NUTF2: variants seen among roughly 807,000 people sequenced by gnomAD.
NUTF2 encodes the protein nuclear transport factor 2.
Under a neutral mutation model 18.5 loss-of-function variants are expected in NUTF2, and 3 were observed. The observed-to-expected ratio is 0.16, with a 90% CI of 0.07 to 0.42. The LOEUF is 0.42. Ranked by LOEUF, NUTF2 falls within the 10% of genes least tolerant of loss-of-function variation. The pLI, the probability that NUTF2 is intolerant of heterozygous loss-of-function variation, is 0.99. For missense variants in NUTF2, 44 were observed against 160.7 expected, an observed-to-expected ratio of 0.27 and a Z score of 3.93; for synonymous variants, 51 against 57.9, an observed-to-expected ratio of 0.88 and a Z score of 0.54.
chr16:67,861,198 C>T (rs1021018510), intron 1 of NUTF2, among the ~76,000 whole-genome samples: 2 of 152,210 alleles, frequency 1.3e-5, no homozygotes, highest in Non-Finnish European at 1.5e-5. Flanking sequence ...TGGCTAACCT[C>T]GCTGAATCTC....
chr16:67,856,636 G>A (rs979399352), intron 1 of NUTF2, among the ~76,000 whole-genome samples: 1 of 151,948 alleles, frequency 6.6e-6, no homozygotes, highest in Admixed American at 6.6e-5. Context: ...AGCATGCGGA[G>A]TAGCTGGGAT....
chr16:67,870,581 C>G (rs2058004587), intron 4 of NUTF2: 1 of 566,038 alleles, frequency 1.8e-6, no homozygotes, highest in Non-Finnish European at 3.2e-6. Flanking sequence ...ACATAGCACA[C>G]ATAGGCGTGG....
chr16:67,861,819 C>T (rs538107003), intron 1 of NUTF2, among the ~76,000 whole-genome samples: 3 of 152,292 alleles, frequency 2.0e-5, no homozygotes, highest in East Asian at 3.9e-4. Context: ...AAGATCAGAG[C>T]TTGCTGGCTA....
At chr16:67,854,821 A>G (rs1254575671) in intron 1 of NUTF2, among the ~76,000 whole-genome samples, 1 of 152,094 alleles carries the variant, frequency 6.6e-6, no homozygotes, top group Non-Finnish European at 1.5e-5. Context: ...GGTGGCAGGT[A>G]CCTGTAATCC....
intron 1 of NUTF2, among the ~76,000 whole-genome samples, chr16:67,854,974 G>A (rs1051300570): frequency 4.6e-5 from 7 of 151,702 alleles, no homozygotes; most frequent in African/African-American, 1.7e-4. Context: ...ATTTCTTTAA[G>A]CTGAGGTTGA....
rs2057944653 is a variant in NUTF2, at chr16:67,862,992, CA to C, written c.-29-2109del. ...CAGAGCTCTTAGGCAGTGGGTATGG[CA>C]CCTTGGAAGCTGCAGCAGGGTCAGG... On this transcript the variant is annotated intron_variant, in intron 1 of 4. Transcript: ENST00000219169. 2.6e-5 allele frequency among the ~76,000 whole-genome samples: 4 copies of C among 152,248 alleles called. No individual in the cohort carries two copies. In the South Asian group the frequency reaches 8.3e-4, roughly 32 times the overall value.
At position 67,868,348 on chromosome 16, in the gene NUTF2, G is replaced by A. The variant is rs750611785; in HGVS notation, c.108G>A (p.Ala36=). ...RTQLGAIYID[A]SCLTWEGQQF... is the part of the protein sequence containing the mutation. Reference sequence around the variant, plus strand: ...TCCTGTGCCTTTTTCAGATTGACGCGTCATGCCTTACGTGGGAAGGACAAC... The same window carrying A: ...TCCTGTGCCTTTTTCAGATTGACGCATCATGCCTTACGTGGGAAGGACAAC... The change falls in exon 3 of 5, where the codon GCG becomes GCA. Residue 36 remains alanine, a synonymous_variant. Transcript: ENST00000219169. The A allele has an allele frequency of 8.7e-6, 14 of 1,613,784 alleles. No homozygotes were observed. The highest frequency in any genetic ancestry group is 6.6e-5 in the South Asian group (6 of 91,076).
At chr16:67,848,887 T>C (rs1483923410) in intron 1 of NUTF2, among the ~76,000 whole-genome samples, 4 of 152,252 alleles carry the variant, frequency 2.6e-5, no homozygotes, top group Non-Finnish European at 5.9e-5. Context: ...CATATTTTTT[T>C]CTTCCTCCTT....
intron 2 of NUTF2, among the ~76,000 whole-genome samples, chr16:67,868,017 G>T (rs1415894361): frequency 1.3e-5 from 2 of 152,176 alleles, no homozygotes; most frequent in South Asian, 2.1e-4. Flanking sequence ...GACTGACACT[G>T]ACTGACCACA....
At chr16:67,850,158 A>G (rs1193914923) in intron 1 of NUTF2, among the ~76,000 whole-genome samples, 1 of 151,808 alleles carries the variant, frequency 6.6e-6, no homozygotes, top group Non-Finnish European at 1.5e-5. Flanking sequence ...GAGTAGGAGG[A>G]ATTCAGGTCC....
intron 1 of NUTF2, among the ~76,000 whole-genome samples, chr16:67,850,419 G>A (rs1324761363): frequency 6.6e-6 from 1 of 151,510 alleles, no homozygotes; most frequent in Non-Finnish European, 1.5e-5. Flanking sequence ...TGTCAGCCAG[G>A]ATGGTCTCGA....
At chr16:67,849,560 A>G (rs1193843595) in intron 1 of NUTF2, among the ~76,000 whole-genome samples, 1 of 151,764 alleles carries the variant, frequency 6.6e-6, no homozygotes, top group African/African-American at 2.4e-5. Context: ...CAGGCTGGTC[A>G]AACTCCTGAC....
intron 1 of NUTF2, among the ~76,000 whole-genome samples, chr16:67,861,352 C>G (rs2057934503): frequency 1.3e-5 from 2 of 152,168 alleles, no homozygotes; most frequent in Admixed American, 6.5e-5. Context: ...GAGTTTTGTT[C>G]TTGGAAACAC....
intron 1 of NUTF2, 176 bp downstream of exon 1, chr16:67,847,161 T>A (rs1172679456): frequency 6.8e-6 from 1 of 146,472 alleles, no homozygotes; most frequent in Admixed American, 6.7e-5. Flanking sequence ...CTCCCGCCGG[T>A]CCTGTGAGGC....
chr16:67,857,617 A>G (rs1226815198), intron 1 of NUTF2, among the ~76,000 whole-genome samples: 2 of 152,178 alleles, frequency 1.3e-5, no homozygotes, highest in Non-Finnish European at 2.9e-5. Flanking sequence ...TCCATACCCC[A>G]TTCATTACCT....
At chr16:67,863,940 A>C (rs1376772146) in intron 1 of NUTF2, among the ~76,000 whole-genome samples, 1 of 152,180 alleles carries the variant, frequency 6.6e-6, no homozygotes, top group Non-Finnish European at 1.5e-5. Context: ...GCCTCCTCTC[A>C]GAGACCCGAG....
intron 1 of NUTF2, among the ~76,000 whole-genome samples, chr16:67,859,713 C>G (rs988958998): frequency 3.3e-5 from 5 of 149,908 alleles, no homozygotes; most frequent in African/African-American, 9.8e-5. Flanking sequence ...CCAGGCTGGT[C>G]TGGAACTCCT....
chr16:67,863,033 T>G (rs1306006779), intron 1 of NUTF2, among the ~76,000 whole-genome samples: 1 of 152,156 alleles, frequency 6.6e-6, no homozygotes, highest in South Asian at 2.1e-4. Context: ...ATTGAGTGAC[T>G]AAGCATAGCA....
intron 1 of NUTF2, among the ~76,000 whole-genome samples, chr16:67,849,391 G>T (rs578235392): frequency 6.6e-6 from 1 of 152,328 alleles, no homozygotes; most frequent in African/African-American, 2.4e-5. Context: ...ACCCAGGCTG[G>T]AGTGCTGTGG....
Sources: allele counts gnomAD v4.1 joint callset (sites outside exome capture counted in the v4.1 genomes callset), GRCh38; gene constraint gnomAD v4.1.1; transcripts MANE v1.5; gene names NCBI Gene and HGNC (gene_info 2026-07-23, HGNC 2026-07-21).